Variants in KLF12 observed in about 807,000 individuals in gnomAD.
KLF12 encodes KLF transcription factor 12.
A neutral mutation model predicts 37.8 loss-of-function variants in KLF12; 9 were observed. The ratio of observed to expected loss-of-function variants is 0.24; its 90% CI spans 0.14 to 0.42. The LOEUF is 0.42. KLF12 is among the 10% of genes least tolerant of loss of function. The probability of loss-of-function intolerance (pLI) is 1.00; values close to 1 mark genes in which losing one functional copy is unlikely to be tolerated. For synonymous variants in KLF12, 208 were observed against 202.1 expected, an observed-to-expected ratio of 1.03 and a Z score of -0.25; for missense variants, 411 against 516.0, an observed-to-expected ratio of 0.80 and a Z score of 1.97.
chr13:74,011,262 T>C (rs999806757), intron 1 of KLF12, among the ~76,000 whole-genome samples: 5 of 137,104 alleles, frequency 3.6e-5, no homozygotes, highest in African/African-American at 5.5e-5. Flanking sequence ...AAAAAAGCCA[T>C]GGAATTATGA....
At chr13:74,283,835 A>G in the KLF12 span, among the ~76,000 whole-genome samples, 3 of 151,284 alleles carry the variant, frequency 2.0e-5, no homozygotes, top group Non-Finnish European at 4.4e-5. Flanking sequence ...TGGCAAAAGT[A>G]TCATCCATAA....
At chr13:74,051,666 T>TA (rs758004781) in intron 1 of KLF12, among the ~76,000 whole-genome samples, 3 of 151,054 alleles carry the variant, frequency 2.0e-5, no homozygotes, top group Non-Finnish European at 4.4e-5. Flanking sequence ...ACCCCGCCCC[T>TA]AAAAAAAGAG....
intron 1 of KLF12, among the ~76,000 whole-genome samples, chr13:74,002,433 A>AG (rs1892303993): frequency 6.6e-6 from 1 of 152,204 alleles, no homozygotes; most frequent in African/African-American, 2.4e-5. Context: ...ACAGTGCAGT[A>AG]GCACCATCAT....
At chr13:74,237,984 G>A in the KLF12 span, among the ~76,000 whole-genome samples, 315 of 150,674 alleles carry the variant, frequency 2.1e-3, 2 homozygotes, top group African/African-American at 6.3e-3. Flanking sequence ...ATGTTGAATA[G>A]GAGTGGTGAG....
upstream of KLF12, among the ~76,000 whole-genome samples, chr13:74,134,160 G>C (rs1183398880): frequency 6.6e-6 from 1 of 150,896 alleles, no homozygotes; most frequent in Non-Finnish European, 1.5e-5. Context: ...AGAGGCGCTT[G>C]GGGTGGGGTG....
chr13:73,957,042 A>AAAGGG, intron 2 of KLF12, among the ~76,000 whole-genome samples: 1 of 40,100 alleles, frequency 2.5e-5, no homozygotes. Context: ...AAAGGAAAGG[A>AAAGGG]AAGGAAAGGA....
chr13:74,153,724 AT>A, the KLF12 span, among the ~76,000 whole-genome samples: 1 of 152,090 alleles, frequency 6.6e-6, no homozygotes, highest in Non-Finnish European at 1.5e-5. Context: ...GTGTGGTAGG[AT>A]TTACCCGTGA....
At chr13:73,907,166 C>T (rs1888340470) in intron 3 of KLF12, among the ~76,000 whole-genome samples, 1 of 152,132 alleles carries the variant, frequency 6.6e-6, no homozygotes, top group African/African-American at 2.4e-5. Context: ...ATTTTCTCAG[C>T]AACATCAACC....
chr13:73,741,019 T>G (rs1877932598), intron 6 of KLF12, among the ~76,000 whole-genome samples: 1 of 152,212 alleles, frequency 6.6e-6, no homozygotes, highest in Non-Finnish European at 1.5e-5. Flanking sequence ...AGTCTCAAAG[T>G]GCTAACGGCA....
At chr13:73,876,002 C>T (rs1261009928) in intron 3 of KLF12, among the ~76,000 whole-genome samples, 4 of 152,004 alleles carry the variant, frequency 2.6e-5, no homozygotes, top group Non-Finnish European at 4.4e-5. Flanking sequence ...TGTCTTTTGG[C>T]TTTTGGAATT....
intron 4 of KLF12, among the ~76,000 whole-genome samples, chr13:73,826,175 G>A (rs1245772134): frequency 5.3e-5 from 8 of 151,802 alleles, no homozygotes; most frequent in Non-Finnish European, 7.4e-5. Flanking sequence ...GGGTTTCACC[G>A]TGTTAGTCAG....
At chr13:73,994,218 T>C (rs1476902387) in intron 2 of KLF12, among the ~76,000 whole-genome samples, 1 of 151,750 alleles carries the variant, frequency 6.6e-6, no homozygotes, top group East Asian at 1.9e-4. Flanking sequence ...GCAGCAAGAG[T>C]AATATGGGAA....
At chr13:73,854,638 C>T (rs1003622105) in intron 3 of KLF12, among the ~76,000 whole-genome samples, 21 of 152,094 alleles carry the variant, frequency 1.4e-4, no homozygotes, top group Admixed American at 1.1e-3. Context: ...TCCAGGACCC[C>T]CCTCCACCAA....
chr13:74,142,010 A>T, the KLF12 span, among the ~76,000 whole-genome samples: 1 of 152,234 alleles, frequency 6.6e-6, no homozygotes, highest in African/African-American at 2.4e-5. Context: ...CTTACAAGTT[A>T]TTGGCCATCA....
Position 73,918,500 on chromosome 13 carries a change from AT to A in KLF12, c.123+25480del, listed in dbSNP as rs545292504. On this transcript the variant is annotated intron_variant, in intron 3 of 7. Transcript: ENST00000377669. ...CTCATCCCCCAGTACTATACAAGAT[AT>A]TTTTTTTACACAGAACTATTTTAGG... 3.1e-3 allele frequency among the ~76,000 whole-genome samples: 465 copies of A among 152,068 alleles called. 5 individuals are homozygous for A. Among genetic ancestry groups the A allele is most frequent in the Middle Eastern group, 0.014 (4 of 292 alleles).
intron 3 of KLF12, among the ~76,000 whole-genome samples, chr13:73,863,066 T>C (rs1886006703): frequency 6.6e-6 from 1 of 152,152 alleles, no homozygotes; most frequent in African/African-American, 2.4e-5. Flanking sequence ...TTAAAATTCA[T>C]TATATGATTC....
intron 6 of KLF12, among the ~76,000 whole-genome samples, chr13:73,727,376 A>G (rs984085205): frequency 6.6e-6 from 1 of 152,180 alleles, no homozygotes; most frequent in Non-Finnish European, 1.5e-5. Flanking sequence ...TGCGTATGGT[A>G]TAAGAAAGGA....
rs73529145 is a variant in KLF12, at chr13:74,009,689, A to G, written c.-31-14636T>C. Among the ~76,000 whole-genome samples, 833 of 152,358 alleles carry G rather than the reference A, an allele frequency of 5.5e-3. 13 individuals carry two copies. Among genetic ancestry groups the G allele is most frequent in the African/African-American group, 0.019 (795 of 41,588 alleles). On this transcript the variant is annotated intron_variant, in intron 1 of 7. Transcript: ENST00000377669. ...CTGGCATGTATGGTCCTATAAGTAC[A>G]GTCAATAAATGTATATAGTTAAATA...
chr13:74,298,654 G>T, the KLF12 span, among the ~76,000 whole-genome samples: 1 of 152,160 alleles, frequency 6.6e-6, no homozygotes, highest in Non-Finnish European at 1.5e-5. Flanking sequence ...ATAGAGGCTG[G>T]AGAAGTATAA....
Sources: allele counts gnomAD v4.1 joint callset (sites outside exome capture counted in the v4.1 genomes callset), GRCh38; gene constraint gnomAD v4.1.1; transcripts MANE v1.5; gene names NCBI Gene and HGNC (gene_info 2026-07-23, HGNC 2026-07-21).